Variants in TMEM87A observed in about 807,000 individuals in gnomAD.
TMEM87A encodes the protein transmembrane protein 87A.
A neutral mutation model predicts 90.0 loss-of-function variants in TMEM87A; 50 were observed. That is an observed-to-expected ratio of 0.56 (90% CI 0.44 to 0.70). The LOEUF is 0.70. TMEM87A is among the 30% of genes least tolerant of loss of function. The pLI is 0.00. For missense variants in TMEM87A, 577 were observed against 660.5 expected (o/e 0.87, Z 1.39); for synonymous variants, 226 against 226.7 (o/e 1.00, Z 0.03).
Position 42,211,173 on chromosome 15 carries a change from A to G in TMEM87A, c.*535T>C, listed in dbSNP as rs2050279475. 1 of 145,470 alleles carries G rather than the reference A, an allele frequency of 6.9e-6. No homozygotes were observed. Among genetic ancestry groups the G allele is most frequent in the Non-Finnish European group, 1.5e-5 (1 of 67,010 alleles). 9.0% of individuals were successfully genotyped at this position (145,470 alleles called of 1,614,324 possible). A position where few individuals can be genotyped will look rare whatever the true frequency, so the allele number is the denominator to read the frequency against. ...TTTTCTTTTGATCATTGATAGAACT[A>G]TGGCTCCTTAACTCAGAAGGGCCCT... On this transcript the variant is annotated 3_prime_UTR_variant, in exon 20 of 20. Coordinates refer to ENST00000389834, the MANE Select transcript of TMEM87A (RefSeq NM_015497.5).
At chr15:42,234,916 G>A (rs996300433) in intron 10 of TMEM87A, among the ~76,000 whole-genome samples, 3 of 152,068 alleles carry the variant, frequency 2.0e-5, no homozygotes, top group African/African-American at 4.8e-5. Context: ...AATTTCTTCT[G>A]CTAACTACTT....
intron 14 of TMEM87A, chr15:42,227,131 G>C: frequency 1.9e-6 from 1 of 531,232 alleles, no homozygotes; most frequent in South Asian, 2.5e-5. Flanking sequence ...TGCATCAACG[G>C]AACAGAGTAT....
intron 18 of TMEM87A, 48 bp from the exon 19 acceptor site, chr15:42,217,881 T>A (rs780881669): frequency 6.3e-7 from 1 of 1,575,412 alleles, no homozygotes; most frequent in Non-Finnish European, 8.6e-7. Context: ...AATAAAGCCA[T>A]AAATGGTTCA....
chr15:42,271,476 A>T (rs2051522340), intron 2 of TMEM87A: 1 of 152,242 alleles, frequency 6.6e-6, no homozygotes, highest in Non-Finnish European at 1.5e-5. Context: ...GAAAGACTAC[A>T]TATACAACGG....
At chr15:42,253,672 T>C (rs1307913170) in intron 6 of TMEM87A, among the ~76,000 whole-genome samples, 1 of 152,240 alleles carries the variant, frequency 6.6e-6, no homozygotes, top group Non-Finnish European at 1.5e-5. Flanking sequence ...AAGGAGGGTA[T>C]GGTAAACAAA....
At chr15:42,263,034 C>CAATG (rs1375088529) in intron 4 of TMEM87A, among the ~76,000 whole-genome samples, 1 of 152,170 alleles carries the variant, frequency 6.6e-6, no homozygotes, top group Non-Finnish European at 1.5e-5. Context: ...AACTCTAAGA[C>CAATG]AATGATGATA....
intron 6 of TMEM87A, among the ~76,000 whole-genome samples, chr15:42,246,404 T>A (rs2050973284): frequency 6.6e-6 from 1 of 152,168 alleles, no homozygotes; most frequent in South Asian, 2.1e-4. Flanking sequence ...CATTAACTCG[T>A]CATTTACATT....
At chr15:42,216,808 C>T (rs2050390542) in intron 19 of TMEM87A, among the ~76,000 whole-genome samples, 1 of 152,016 alleles carries the variant, frequency 6.6e-6, no homozygotes, top group Admixed American at 6.5e-5. Flanking sequence ...GCCAATTCAA[C>T]ACAATGAATC....
chr15:42,228,161 A>C (rs1252462292), intron 13 of TMEM87A, among the ~76,000 whole-genome samples: 1 of 152,214 alleles, frequency 6.6e-6, no homozygotes, highest in Non-Finnish European at 1.5e-5. Flanking sequence ...CAGATGAAAA[A>C]AAATGGCTGA....
At position 42,221,448 on chromosome 15, in the gene TMEM87A, A is replaced by T. The variant is rs77839432; in HGVS notation, c.1404-1313T>A. On this transcript the variant is annotated intron_variant, in intron 15 of 19. Transcript: ENST00000389834. ...ACAAAACGTAATTCAAAGACTAAAA[A>T]ATGGAGAGATGCCATACTCAAGGAA... Among the ~76,000 whole-genome samples the T allele has an allele frequency of 7.1e-3, 1,082 of 152,334 alleles. 12 individuals are homozygous for T. The highest frequency in any genetic ancestry group is 0.013 in the Non-Finnish European group (913 of 68,024).
chr15:42,243,613 G>A (rs776064804), intron 7 of TMEM87A, among the ~76,000 whole-genome samples: 13 of 147,592 alleles, frequency 8.8e-5, no homozygotes, highest in Admixed American at 2.1e-4. Context: ...TCCATCTCCC[G>A]GGTTCAAGCG....
In TMEM87A at chr15:42,269,942, C is replaced by CAAAAAAAAAAAAAAAAAAA. The variant is rs11308996; in HGVS notation, c.206-1929_206-1911dup. The stretch of plus-strand genomic sequence containing the variant: ...TGGGCGACAGAGCGAGACTCCGTCT[C>CAAAAAAAAAAAAAAAAAAA]AAAAAAAAAAAAAAAAAAAAAAATG... On this transcript the variant is annotated intron_variant, in intron 2 of 19. Coordinates refer to ENST00000389834, the MANE Select transcript of TMEM87A (RefSeq NM_015497.5). 2.8e-5 allele frequency among the ~76,000 whole-genome samples: 2 copies of CAAAAAAAAAAAAAAAAAAA among 71,686 alleles called. 1 individual carries two copies. Among genetic ancestry groups the CAAAAAAAAAAAAAAAAAAA allele is most frequent in the African/African-American group, 1.1e-4 (2 of 18,616 alleles). 47.0% of individuals were successfully genotyped at this position (71,686 alleles called of 152,430 possible).
intron 19 of TMEM87A, among the ~76,000 whole-genome samples, chr15:42,215,970 G>A (rs1452582170): frequency 6.6e-6 from 1 of 152,092 alleles, no homozygotes; most frequent in Non-Finnish European, 1.5e-5. Context: ...CAACAGCCAA[G>A]GTATGGAAAT....
At chr15:42,272,654 C>G (rs1331645933) in intron 1 of TMEM87A, 1 of 292,728 alleles carries the variant, frequency 3.4e-6, no homozygotes. Context: ...AGTTAATTAT[C>G]CAAATGAAAG....
At chr15:42,260,815 C>A (rs2051273003) in intron 6 of TMEM87A, 143 bp downstream of exon 6, 3 of 834,366 alleles carry the variant, frequency 3.6e-6, no homozygotes. Flanking sequence ...GAGATCCAAC[C>A]ATTTTTAACA....
At chr15:42,261,926 G>A (rs143030781) in intron 4 of TMEM87A, among the ~76,000 whole-genome samples, 2,536 of 152,214 alleles carry the variant, frequency 0.017, 72 homozygotes, top group African/African-American at 0.059. Flanking sequence ...GAGCCACCGC[G>A]CCCGGCCTAA....
At chr15:42,242,522 A>AG (rs72493971) in intron 7 of TMEM87A, among the ~76,000 whole-genome samples, 104,189 of 150,876 alleles carry the variant, frequency 0.69, 39,810 homozygotes, top group Non-Finnish European at 0.86. Context: ...TGAGGGGGAG[A>AG]GGGACAGGGA....
rs565049952 is a variant in TMEM87A, at chr15:42,269,906, G to A, written c.206-1874C>T. On this transcript the variant is annotated intron_variant, in intron 2 of 19. Transcript: ENST00000389834. ...AGCCGAGATTGCGCCACTGCAATCC[G>A]CAGTCCGGCCTGGGCGACAGAGCGA... 6.2e-5 allele frequency among the ~76,000 whole-genome samples: 8 copies of A among 129,242 alleles called. No individual in the cohort carries two copies. In the East Asian group the frequency reaches 1.6e-3, roughly 26 times the overall value. 84.8% of individuals were successfully genotyped at this position (129,242 alleles called of 152,430 possible).
At chr15:42,255,348 TCTTGAA>T (rs1429763803) in intron 6 of TMEM87A, among the ~76,000 whole-genome samples, 1 of 152,170 alleles carries the variant, frequency 6.6e-6, no homozygotes, top group African/African-American at 2.4e-5. Context: ...GTCAGGTTGG[TCTTGAA>T]CTCGTGACCT....
Sources: allele counts gnomAD v4.1 joint callset (sites outside exome capture counted in the v4.1 genomes callset), GRCh38; gene constraint gnomAD v4.1.1; transcripts MANE v1.5; gene names NCBI Gene and HGNC (gene_info 2026-07-23, HGNC 2026-07-21).